SEPTIN10: variants seen among roughly 807,000 people sequenced by gnomAD.
The protein encoded by SEPTIN10 is septin 10.
A neutral mutation model predicts 54.8 loss-of-function variants in SEPTIN10; 66 were observed. That is an observed-to-expected ratio of 1.21 (90% CI 0.99 to 1.48). The LOEUF (loss-of-function observed/expected upper bound fraction) is 1.48. Among genes scored for constraint, SEPTIN10 ranks in the 40% most tolerant of loss-of-function variants. The probability of loss-of-function intolerance (pLI) is 0.00; values close to 1 mark genes in which losing one functional copy is unlikely to be tolerated. For synonymous variants in SEPTIN10, 161 were observed against 181.0 expected, an observed-to-expected ratio of 0.89 and a Z score of 0.89; for missense variants, 620 against 545.6, an observed-to-expected ratio of 1.14 and a Z score of -1.36.
intron 1 of SEPTIN10, among the ~76,000 whole-genome samples, chr2:109,593,463 T>C (rs1171894446): frequency 1.4e-5 from 2 of 143,826 alleles, no homozygotes; most frequent in Non-Finnish European, 3.0e-5. Flanking sequence ...TGGAGTGCAA[T>C]GGCATGATCT....
chr2:109,553,740 G>C (rs986932663), intron 8 of SEPTIN10, among the ~76,000 whole-genome samples: 3 of 151,764 alleles, frequency 2.0e-5, no homozygotes, highest in African/African-American at 7.3e-5. Context: ...TGTAGTCCCA[G>C]CTACACGGGA....
chr2:109,586,100 T>C (rs538995910), intron 2 of SEPTIN10, among the ~76,000 whole-genome samples: 1 of 152,224 alleles, frequency 6.6e-6, no homozygotes, highest in South Asian at 2.1e-4. Context: ...ATTTCCAAAA[T>C]AGGAAAATAT....
Position 109,565,845 on chromosome 2 carries a change from A to C in SEPTIN10, c.777T>G (p.Phe259Leu), listed in dbSNP as rs763185491. The C allele has an allele frequency of 2.0e-5, 32 of 1,613,990 alleles. No individual in the cohort carries two copies. The highest frequency in any genetic ancestry group is 6.7e-5 in the Admixed American group (4 of 59,994). The change falls in exon 7 of 11, where the codon TTT (phenylalanine) becomes TTG (leucine). Residue 259 changes from phenylalanine (F) to leucine (L), a missense_variant. Physicochemically the swap from Phe to Leu is conservative, Grantham distance 22 (BLOSUM62 0). Coordinates refer to ENST00000397712, the MANE Select transcript of SEPTIN10 (RefSeq NM_144710.5). ...CCTCATCCATACTTCCCACAACAGC[A>C]AACGGCAACTGTCCCTGAAAAAGAA... ...VNAAMNGQLP[F>L]AVVGSMDEVK...
intron 1 of SEPTIN10, among the ~76,000 whole-genome samples, chr2:109,593,896 C>G (rs990537085): frequency 6.6e-6 from 1 of 152,170 alleles, no homozygotes; most frequent in Non-Finnish European, 1.5e-5. Context: ...TATTACACGT[C>G]CATATCACTA....
At chr2:109,584,096 T>C (rs1271315242) in intron 4 of SEPTIN10, among the ~76,000 whole-genome samples, 5 of 152,124 alleles carry the variant, frequency 3.3e-5, no homozygotes, top group Non-Finnish European at 7.3e-5. Flanking sequence ...CATCACACAA[T>C]ATACCCATGT....
chr2:109,608,950 G>C (rs745410844), intron 1 of SEPTIN10, among the ~76,000 whole-genome samples: 7 of 152,094 alleles, frequency 4.6e-5, no homozygotes, highest in Non-Finnish European at 1.0e-4. Flanking sequence ...TGAAAGCAAG[G>C]GTCCTGTATG....
At chr2:109,565,671 C>A in intron 7 of SEPTIN10, 92 bp downstream of exon 7, 2 of 1,122,254 alleles carry the variant, frequency 1.8e-6, no homozygotes, top group Non-Finnish European at 2.7e-6. Context: ...CCAATCACAT[C>A]CAAACTAAGC....
At chr2:109,561,925 T>G (rs1440938924) in intron 8 of SEPTIN10, among the ~76,000 whole-genome samples, 1 of 152,138 alleles carries the variant, frequency 6.6e-6, no homozygotes, top group Non-Finnish European at 1.5e-5. Context: ...GGCAGGCAGA[T>G]CACTTTGTAT....
At position 109,556,713 on chromosome 2, in the gene SEPTIN10, C is replaced by A. The variant is rs187399739; in HGVS notation, c.1029-3494G>T. 2.6e-3 allele frequency among the ~76,000 whole-genome samples: 388 copies of A among 151,916 alleles called. 2 individuals carry two copies. Among genetic ancestry groups the A allele is most frequent in the Non-Finnish European group, 4.5e-3 (303 of 67,962 alleles). On this transcript the variant is annotated intron_variant, in intron 8 of 10. Transcript: ENST00000397712. ...CAGCTACTTTCTTCATCTTTAGAAACCTCCCTACATTTCACTAGTCCAACA... is the reference window on the plus strand; with the variant it reads ...CAGCTACTTTCTTCATCTTTAGAAAACTCCCTACATTTCACTAGTCCAACA...
chr2:109,564,545 A>G lies in SEPTIN10; in HGVS notation c.860-11T>C. The G allele has an allele frequency of 1.4e-6, 2 of 1,480,432 alleles. No homozygotes were observed. The highest frequency in any genetic ancestry group is 1.5e-5 in the South Asian group (1 of 66,612). The allele number at this position is 1,480,432 out of a possible 1,614,324, so 91.7% of individuals were successfully genotyped here. ...GGTTTTCATTTTCCACTAGCCAAAA[A>G]AAAATAAGAAAAGAACAACACTGGA... On this transcript the variant is annotated splice_polypyrimidine_tract_variant and intron_variant, in intron 7 of 10. Coordinates refer to ENST00000397712, the MANE Select transcript of SEPTIN10 (RefSeq NM_144710.5).
intron 8 of SEPTIN10, among the ~76,000 whole-genome samples, chr2:109,556,744 GAT>G (rs1418004702): frequency 1.3e-5 from 2 of 151,828 alleles, no homozygotes; most frequent in African/African-American, 4.8e-5. Context: ...CAACATGACT[GAT>G]AGTCTTTAAA....
intron 8 of SEPTIN10, among the ~76,000 whole-genome samples, chr2:109,558,800 A>C (rs914410329): frequency 1.3e-5 from 2 of 152,222 alleles, no homozygotes; most frequent in Non-Finnish European, 2.9e-5. Context: ...CTAGATAGAT[A>C]TAATACTGAG....
chr2:109,576,459 AC>A (rs1558796561), intron 4 of SEPTIN10, among the ~76,000 whole-genome samples: 3 of 152,166 alleles, frequency 2.0e-5, no homozygotes, highest in African/African-American at 7.2e-5. Flanking sequence ...AAAACCTTGA[AC>A]ATTACAAGAA....
At chr2:109,545,016 A>C in intron 10 of SEPTIN10, 1 of 985,478 alleles carries the variant, frequency 1.0e-6, no homozygotes, top group Non-Finnish European at 1.2e-6. Context: ...TCCATATTTA[A>C]AAATTGAAAG....
chr2:109,578,877 A>G (rs553483882), intron 4 of SEPTIN10, among the ~76,000 whole-genome samples: 3 of 152,232 alleles, frequency 2.0e-5, no homozygotes, highest in Non-Finnish European at 4.4e-5. Context: ...TAAATGCATA[A>G]GGCTGAAAAT....
At chr2:109,590,255 G>T (rs1011720390) in intron 2 of SEPTIN10, among the ~76,000 whole-genome samples, 10 of 151,804 alleles carry the variant, frequency 6.6e-5, no homozygotes, top group Admixed American at 6.6e-4. Context: ...TTCTCAGATG[G>T]TCGCTAACAC....
intron 4 of SEPTIN10, among the ~76,000 whole-genome samples, chr2:109,577,128 G>C (rs570551897): frequency 5.9e-5 from 9 of 152,252 alleles, no homozygotes; most frequent in Admixed American, 2.6e-4. Context: ...TAATAGCAAA[G>C]ATAGAAGCCA....
At chr2:109,566,349 G>GAC (rs1272885713) in intron 6 of SEPTIN10, among the ~76,000 whole-genome samples, 2 of 151,966 alleles carry the variant, frequency 1.3e-5, no homozygotes, top group Non-Finnish European at 2.9e-5. Flanking sequence ...TCGAACTCCT[G>GAC]ACCTCAGGTG....
At chr2:109,593,765 G>A (rs1694639867) in intron 1 of SEPTIN10, among the ~76,000 whole-genome samples, 1 of 152,094 alleles carries the variant, frequency 6.6e-6, no homozygotes. Flanking sequence ...ATGTTCCACT[G>A]CAGCGTGTCA....
Sources: allele counts gnomAD v4.1 joint callset (sites outside exome capture counted in the v4.1 genomes callset), GRCh38; gene constraint gnomAD v4.1.1; transcripts MANE v1.5; gene names NCBI Gene and HGNC (gene_info 2026-07-23, HGNC 2026-07-21).